The following NOS1AP variants were observed in gnomAD, a reference collection of about 807,000 sequenced individuals.
NOS1AP encodes the protein carboxyl-terminal PDZ ligand of neuronal nitric oxide synthase protein.
In NOS1AP, 21 loss-of-function variants were observed where a neutral mutation model predicts 56.2. That is an observed-to-expected ratio of 0.37 (90% CI 0.26 to 0.54). The LOEUF is 0.54. Among genes scored for constraint, NOS1AP ranks in the 20% least tolerant of loss-of-function variants. NOS1AP has a pLI of 0.84. For missense variants in NOS1AP, 522 were observed against 657.8 expected (o/e 0.79, Z 2.26); for synonymous variants, 270 against 274.6 (o/e 0.98, Z 0.17).
At chr1:162,157,762 T>A (rs376195997) in intron 2 of NOS1AP, among the ~76,000 whole-genome samples, 9 of 152,246 alleles carry the variant, frequency 5.9e-5, no homozygotes, top group African/African-American at 2.2e-4. Context: ...AGTGAAGGGA[T>A]CTGTGTGATG....
intron 2 of NOS1AP, among the ~76,000 whole-genome samples, chr1:162,201,934 A>T (rs775468189): frequency 2.6e-5 from 4 of 152,212 alleles, no homozygotes; most frequent in Non-Finnish European, 5.9e-5. Flanking sequence ...CCTTTAGAAC[A>T]GCACATCTTA....
chr1:162,296,792 A>G (rs1000456511), intron 3 of NOS1AP, among the ~76,000 whole-genome samples: 1 of 152,206 alleles, frequency 6.6e-6, no homozygotes, highest in Admixed American at 6.5e-5. Context: ...TTGATGATGG[A>G]GGCGCATCGC....
intron 2 of NOS1AP, among the ~76,000 whole-genome samples, chr1:162,198,524 A>G (rs1338272022): frequency 2.6e-5 from 4 of 152,322 alleles, no homozygotes; most frequent in East Asian, 3.9e-4. Context: ...TCTGAAAACG[A>G]TGCAGGGTCT....
chr1:162,077,652 T>G (rs1326789637), intron 1 of NOS1AP, among the ~76,000 whole-genome samples: 1 of 152,092 alleles, frequency 6.6e-6, no homozygotes, highest in Non-Finnish European at 1.5e-5. Flanking sequence ...TTCCATGTCC[T>G]GTTAGTCTGC....
intron 4 of NOS1AP, chr1:162,317,172 C>T (rs535751040): frequency 6.7e-6 from 1 of 150,264 alleles, no homozygotes; most frequent in South Asian, 2.1e-4. Flanking sequence ...ATGAGCTCAT[C>T]GTTGCTCAGT....
intron 1 of NOS1AP, among the ~76,000 whole-genome samples, chr1:162,073,752 G>T (rs1337470345): frequency 1.3e-5 from 2 of 152,222 alleles, no homozygotes; most frequent in East Asian, 3.8e-4. Flanking sequence ...GAACCACTGC[G>T]CCCGGCTCAA....
chr1:162,174,577 T>TA (rs953949120), intron 2 of NOS1AP, among the ~76,000 whole-genome samples: 1 of 152,074 alleles, frequency 6.6e-6, no homozygotes, highest in Non-Finnish European at 1.5e-5. Flanking sequence ...TAATAAAAAA[T>TA]AAAAAAACTT....
intron 1 of NOS1AP, among the ~76,000 whole-genome samples, chr1:162,087,472 G>T (rs905813519): frequency 6.6e-6 from 1 of 152,100 alleles, no homozygotes; most frequent in Non-Finnish European, 1.5e-5. Flanking sequence ...AATGTGGCCT[G>T]GGAGAGTTCA....
At chr1:162,322,351 TAGAAA>T (rs1456550038) in intron 4 of NOS1AP, among the ~76,000 whole-genome samples, 6 of 152,232 alleles carry the variant, frequency 3.9e-5, no homozygotes, top group African/African-American at 9.6e-5. Flanking sequence ...ATAAAAATAT[TAGAAA>T]AGAAAAGTAT....
rs1658116375 is a variant in NOS1AP, at chr1:162,367,180, G to A, written c.1234G>A (p.Ala412Thr). ...GCTGGGCGCGGGCTTGGCTGACTTT[G>A]CCCACCCTGCGGGCAGCCCCTTAGG... is the stretch of plus-strand genomic sequence containing the variant. ...PPLGAGLADF[A>T]HPAGSPLGRR... is the part of the protein sequence containing the mutation. Residue 412 changes from alanine to threonine, a missense_variant, in exon 10 of 10, where the codon GCC becomes ACC. Physicochemically the swap from Ala to Thr is moderately conservative, Grantham distance 58. Around this residue, in one of 4 missense-constraint regions of NOS1AP, gnomAD observed 160 missense variants for 180.3 expected, o/e 0.89. Coordinates refer to ENST00000361897, the MANE Select transcript of NOS1AP (RefSeq NM_014697.3). This position sits in a 1 kb window ranked among gnomAD's most constrained non-coding sequence, Gnocchi z 6.5. The A allele has an allele frequency of 1.2e-6, 2 of 1,613,874 alleles. No homozygotes were observed. Among genetic ancestry groups the A allele is most frequent in the East Asian group, 4.5e-5 (2 of 44,872 alleles).
At chr1:162,304,316 C>T (rs911925204) in intron 4 of NOS1AP, among the ~76,000 whole-genome samples, 6 of 152,154 alleles carry the variant, frequency 3.9e-5, no homozygotes, top group East Asian at 1.9e-4. Context: ...ATCAGTTATC[C>T]GTCTCTGTGA....
At chr1:162,195,840 T>C (rs1294778476) in intron 2 of NOS1AP, among the ~76,000 whole-genome samples, 3 of 152,194 alleles carry the variant, frequency 2.0e-5, no homozygotes, top group Non-Finnish European at 4.4e-5. Context: ...TGTTCTTGGA[T>C]TGAGTTTTAT....
At position 162,198,849 on chromosome 1, in the gene NOS1AP, A is replaced by G. The variant is rs1467521973; in HGVS notation, c.177+44373A>G. Among the ~76,000 whole-genome samples the G allele has an allele frequency of 2.6e-5, 4 of 152,256 alleles. No individual in the cohort carries two copies. The East Asian group carries it at 7.7e-4, about 29-fold the overall frequency. ...CTGGAGGACACTGTGCACCAGCACC[A>G]CTATTCATATGTGGCTTCTGAGGCG... On this transcript the variant is annotated intron_variant, in intron 2 of 9. Transcript: ENST00000361897.
intron 7 of NOS1AP, among the ~76,000 whole-genome samples, chr1:162,356,468 G>T (rs954816300): frequency 6.6e-6 from 1 of 152,168 alleles, no homozygotes; most frequent in African/African-American, 2.4e-5. Flanking sequence ...CTTCCTCCAG[G>T]ACCCAGCTCC....
intron 2 of NOS1AP, among the ~76,000 whole-genome samples, chr1:162,249,321 C>A (rs1653775447): frequency 6.6e-6 from 1 of 152,150 alleles, no homozygotes; most frequent in African/African-American, 2.4e-5. Flanking sequence ...CTCAGCCAGG[C>A]TCCCACAGTG....
chr1:162,240,246 T>C (rs968167301), intron 2 of NOS1AP, among the ~76,000 whole-genome samples: 2 of 130,610 alleles, frequency 1.5e-5, no homozygotes, highest in African/African-American at 5.8e-5. Flanking sequence ...GTGTGGCCAG[T>C]GTGTGTGTGT....
At chr1:162,111,077 A>G (rs2102040436) in intron 1 of NOS1AP, among the ~76,000 whole-genome samples, 1 of 152,362 alleles carries the variant, frequency 6.6e-6, no homozygotes, top group African/African-American at 2.4e-5. Flanking sequence ...AGTAAGACAG[A>G]CAGTAAACAA....
chr1:162,251,945 T>C (rs1168548407), intron 2 of NOS1AP, among the ~76,000 whole-genome samples: 1 of 139,674 alleles, frequency 7.2e-6, no homozygotes, highest in African/African-American at 2.6e-5. Flanking sequence ...TCCTCTCTCC[T>C]TGGTCTCCCA....
chr1:162,115,831 C>T lies in NOS1AP; in HGVS notation c.106-38574C>T, dbSNP rs183862945. ...GTGAGGTCAGTCTCTGAACAATTGA[C>T]TTAAAAGAAACCAACTTATTACCAA... On this transcript the variant is annotated intron_variant, in intron 1 of 9. Transcript: ENST00000361897. Among the ~76,000 whole-genome samples, 15 of 152,280 alleles carry T rather than the reference C, an allele frequency of 9.9e-5. No homozygotes were observed. The East Asian group carries it at 2.3e-3, about 23-fold the overall frequency.
Sources: gnomAD v4.1 joint callset for allele counts (sites outside exome capture counted in the v4.1 genomes callset) on GRCh38, gnomAD v4.1.1 for gene constraint, gnomAD v4.1.1 regional missense constraint, Gnocchi (gnomAD v3.1) non-coding constraint, MANE v1.5 for transcripts, NCBI Gene and HGNC (gene_info 2026-07-23, HGNC 2026-07-21) for gene names.